PTPRD: variants seen among roughly 807,000 people sequenced by gnomAD.
The protein encoded by PTPRD is receptor-type tyrosine-protein phosphatase delta.
In PTPRD, 34 loss-of-function variants were observed where a neutral mutation model predicts 214.5. The ratio of observed to expected loss-of-function variants is 0.16; its 90% CI spans 0.12 to 0.21. The LOEUF (loss-of-function observed/expected upper bound fraction) is 0.21. Among genes scored for constraint, PTPRD ranks in the 10% least tolerant of loss-of-function variants. The pLI is 1.00. For missense variants in PTPRD, 2,545 were observed against 2,398.7 expected, an observed-to-expected ratio of 1.06 and a Z score of -1.27; for synonymous variants, 1,128 against 845.7, an observed-to-expected ratio of 1.33 and a Z score of -5.79.
chr9:10,455,495 C>G (rs1486556609), intron 2 of PTPRD, among the ~76,000 whole-genome samples: 1 of 151,842 alleles, frequency 6.6e-6, no homozygotes, highest in East Asian at 1.9e-4. Context: ...CATCTCCACT[C>G]TGATGCCCCA....
At chr9:10,441,658 A>G (rs73408116) in intron 2 of PTPRD, among the ~76,000 whole-genome samples, 1,539 of 151,736 alleles carry the variant, frequency 0.01, 22 homozygotes, top group African/African-American at 0.029. Context: ...ACACTTAACC[A>G]TAAGTCAATG....
chr9:9,624,684 G>A (rs946521767), intron 7 of PTPRD, among the ~76,000 whole-genome samples: 1 of 152,062 alleles, frequency 6.6e-6, no homozygotes, highest in Non-Finnish European at 1.5e-5. Flanking sequence ...AGCCCAGTTT[G>A]CTTACTTTCT....
chr9:9,943,650 A>AAG (rs2092034088), intron 4 of PTPRD, among the ~76,000 whole-genome samples: 1 of 151,558 alleles, frequency 6.6e-6, no homozygotes, highest in Non-Finnish European at 1.5e-5. Flanking sequence ...GTTTAAAATA[A>AAG]AAGTGTAGTC....
chr9:9,434,324 T>C (rs1244337261), intron 8 of PTPRD, among the ~76,000 whole-genome samples: 1 of 152,148 alleles, frequency 6.6e-6, no homozygotes, highest in African/African-American at 2.4e-5. Flanking sequence ...GAAGTATCTC[T>C]ACACTGAAAA....
At chr9:8,889,496 C>G (rs2098519394) in intron 11 of PTPRD, among the ~76,000 whole-genome samples, 1 of 152,014 alleles carries the variant, frequency 6.6e-6, no homozygotes. Flanking sequence ...GTTTGGGGAA[C>G]AGGTGGTTTT....
intron 36 of PTPRD, among the ~76,000 whole-genome samples, chr9:8,390,910 A>G (rs1213440793): frequency 6.6e-6 from 1 of 152,188 alleles, no homozygotes; most frequent in Non-Finnish European, 1.5e-5. Context: ...TTAAATTCTG[A>G]AAGATTTAAC....
chr9:8,792,850 CCTTTT>C (rs2096280804), intron 11 of PTPRD, among the ~76,000 whole-genome samples: 2 of 152,088 alleles, frequency 1.3e-5, no homozygotes, highest in African/African-American at 2.4e-5. Flanking sequence ...TTTTTTCTTT[CCTTTT>C]ATTACTGCTA....
intron 9 of PTPRD, among the ~76,000 whole-genome samples, chr9:9,287,763 T>A (rs1290038741): frequency 6.6e-6 from 1 of 151,912 alleles, no homozygotes; most frequent in African/African-American, 2.4e-5. Context: ...AACACATTTG[T>A]ATAAGTCTGT....
intron 11 of PTPRD, among the ~76,000 whole-genome samples, chr9:8,893,514 C>A (rs569630199): frequency 7.2e-5 from 11 of 152,296 alleles, no homozygotes; most frequent in African/African-American, 2.6e-4. Context: ...CAAAACCCAA[C>A]AATCCGCAAG....
At chr9:9,349,950 C>T (rs1662704026) in intron 9 of PTPRD, among the ~76,000 whole-genome samples, 1 of 152,026 alleles carries the variant, frequency 6.6e-6, no homozygotes. Flanking sequence ...AGAGGGGTAT[C>T]CTGAAATGTA....
At chr9:8,359,141 A>ATT (rs2077787161) in intron 39 of PTPRD, among the ~76,000 whole-genome samples, 1 of 117,132 alleles carries the variant, frequency 8.5e-6, no homozygotes, top group Admixed American at 9.3e-5. Context: ...AAAAAAAACA[A>ATT]AAAAAAATTG....
chr9:9,545,032 T>G (rs1416565127), intron 8 of PTPRD, among the ~76,000 whole-genome samples: 1 of 151,712 alleles, frequency 6.6e-6, no homozygotes, highest in African/African-American at 2.4e-5. Context: ...GAGGAAAGTA[T>G]AGAGATTTCA....
intron 3 of PTPRD, among the ~76,000 whole-genome samples, chr9:10,246,897 T>A (rs954620762): frequency 2.6e-5 from 4 of 151,214 alleles, no homozygotes; most frequent in African/African-American, 9.7e-5. Context: ...TCTGTCTCAA[T>A]AAATAAATAA....
At chr9:9,946,223 T>C (rs1313165184) in intron 4 of PTPRD, among the ~76,000 whole-genome samples, 1 of 152,138 alleles carries the variant, frequency 6.6e-6, no homozygotes, top group Non-Finnish European at 1.5e-5. Flanking sequence ...CAATTATACA[T>C]CTTGCTCATT....
chr9:9,471,642 T>C (rs1379112200), intron 8 of PTPRD, among the ~76,000 whole-genome samples: 1 of 152,202 alleles, frequency 6.6e-6, no homozygotes, highest in Non-Finnish European at 1.5e-5. Flanking sequence ...AATCTTACTA[T>C]ATTTTGATTT....
intron 4 of PTPRD, among the ~76,000 whole-genome samples, chr9:9,986,465 T>C (rs1467565869): frequency 2.0e-5 from 3 of 152,112 alleles, no homozygotes; most frequent in African/African-American, 7.2e-5. Flanking sequence ...ACTATAATTA[T>C]AAAGTAATAT....
At chr9:9,960,681 T>C (rs530863199) in intron 4 of PTPRD, among the ~76,000 whole-genome samples, 2 of 152,244 alleles carry the variant, frequency 1.3e-5, no homozygotes, top group South Asian at 4.1e-4. Flanking sequence ...CAGAGGGGCA[T>C]CCTGCAAAAT....
chr9:9,959,743 A>T (rs928987934), intron 4 of PTPRD, among the ~76,000 whole-genome samples: 10 of 152,190 alleles, frequency 6.6e-5, no homozygotes, highest in African/African-American at 2.2e-4. Flanking sequence ...ATACTGCTAC[A>T]TGAATGTATT....
chr9:9,876,541 A>C (rs113149026), intron 5 of PTPRD, among the ~76,000 whole-genome samples: 2,292 of 152,280 alleles, frequency 0.015, 55 homozygotes, highest in African/African-American at 0.052. Flanking sequence ...AACACTTGTT[A>C]AACCACCTCT....
Sources: gnomAD v4.1 joint callset for allele counts (sites outside exome capture counted in the v4.1 genomes callset) on GRCh38, gnomAD v4.1.1 for gene constraint, MANE v1.5 for transcripts, NCBI Gene and HGNC (gene_info 2026-07-23, HGNC 2026-07-21) for gene names.